The following CLIC4 variants were observed in gnomAD, a reference collection of about 807,000 sequenced individuals.
CLIC4 encodes the protein chloride intracellular channel protein 4.
Under a neutral mutation model 24.6 loss-of-function variants are expected in CLIC4, and 13 were observed. That is an observed-to-expected ratio of 0.53 (90% CI 0.34 to 0.84). The LOEUF (loss-of-function observed/expected upper bound fraction) is 0.84, where lower values mean the gene tolerates loss of function less well. Among genes scored for constraint, CLIC4 ranks in the 40% least tolerant of loss-of-function variants. The pLI is 0.01. For missense variants in CLIC4, 227 were observed against 301.7 expected, an observed-to-expected ratio of 0.75 and a Z score of 1.83; for synonymous variants, 104 against 111.3, an observed-to-expected ratio of 0.93 and a Z score of 0.41.
intron 1 of CLIC4, among the ~76,000 whole-genome samples, chr1:24,748,509 T>TTG (rs1389432712): frequency 7.0e-5 from 10 of 143,380 alleles, no homozygotes; most frequent in Admixed American, 4.2e-4. Flanking sequence ...GTTTTTTTTT[T>TTG]TTTTTTTTTT....
At chr1:24,840,722 T>A (rs759047796) in intron 5 of CLIC4, 51 bp from the exon 6 acceptor site, 1 of 1,459,834 alleles carries the variant, frequency 6.9e-7, no homozygotes, top group Admixed American at 2.0e-5. Flanking sequence ...TATGTCTAGT[T>A]TACAAGACGT....
intron 1 of CLIC4, among the ~76,000 whole-genome samples, chr1:24,768,428 A>G (rs1639030680): frequency 6.6e-6 from 1 of 152,142 alleles, no homozygotes; most frequent in East Asian, 1.9e-4. Context: ...CATTTCTCTT[A>G]AAGAGAAGAG....
At position 24,766,481 on chromosome 1, in the gene CLIC4, T is replaced by G. The variant is rs1197404956; in HGVS notation, c.72+20856T>G. ...GCTATGTTGCCCAGACGGTTTTTTT[T>G]TTTTTTTTTTTTTTTTTTTTTTTTT... On this transcript the variant is annotated intron_variant, in intron 1 of 5. Transcript: ENST00000374379. 2.3e-3 allele frequency among the ~76,000 whole-genome samples: 14 copies of G among 6,134 alleles called. No homozygotes were observed. The East Asian group carries it at 0.072, about 32-fold the overall frequency. 4.0% of individuals were successfully genotyped at this position (6,134 alleles called of 152,430 possible). A position where few individuals can be genotyped will look rare whatever the true frequency, so the allele number is the denominator to read the frequency against.
In CLIC4 at chr1:24,813,423, T is replaced by C. The variant is rs367588960; in HGVS notation, c.183-671T>C. Among the ~76,000 whole-genome samples, 17 of 152,118 alleles carry C rather than the reference T, an allele frequency of 1.1e-4. No individual in the cohort carries two copies. In the South Asian group the frequency reaches 2.7e-3, roughly 24 times the overall value. On this transcript the variant is annotated intron_variant, in intron 2 of 5. Coordinates refer to ENST00000374379, the MANE Select transcript of CLIC4 (RefSeq NM_013943.3). The stretch of plus-strand genomic sequence containing the variant: ...TCTCTTTTCTTTTTCTTTTTCTCTT[T>C]TTCTTTTTCTTTTCTGACAGGGTTT...
At chr1:24,817,450 A>G (rs983025148) in intron 3 of CLIC4, among the ~76,000 whole-genome samples, 2 of 152,194 alleles carry the variant, frequency 1.3e-5, no homozygotes, top group African/African-American at 4.8e-5. Context: ...TTTCTTCTGT[A>G]GATTTGTCAC....
intron 4 of CLIC4, among the ~76,000 whole-genome samples, chr1:24,838,621 TC>T (rs1254771281): frequency 6.6e-6 from 1 of 152,184 alleles, no homozygotes; most frequent in Non-Finnish European, 1.5e-5. Flanking sequence ...TATTTAACTT[TC>T]TTTTATGGCC....
chr1:24,796,704 T>C (rs1279740479), intron 1 of CLIC4, among the ~76,000 whole-genome samples: 1 of 152,210 alleles, frequency 6.6e-6, no homozygotes, highest in Non-Finnish European at 1.5e-5. Context: ...TGTAAAATGC[T>C]AGAATCGCCT....
intron 4 of CLIC4, among the ~76,000 whole-genome samples, chr1:24,831,765 C>T (rs747944844): frequency 4.6e-5 from 7 of 152,158 alleles, no homozygotes; most frequent in Middle Eastern, 6.8e-3. Flanking sequence ...CAGCCTCCTG[C>T]GTAGCTGGGA....
rs1424511831 is a variant in CLIC4 at position 24,840,948 on chromosome 1, G to A, written c.*11G>A. 6.3e-7 allele frequency: 1 copy of A among 1,587,772 alleles called. No individual in the cohort carries two copies. The highest frequency in any genetic ancestry group is 8.6e-7 in the Non-Finnish European group (1 of 1,168,252). The stretch of plus-strand genomic sequence containing the variant: ...AGACTCACCAAGTAAAATCGCGTTT[G>A]TAAAAGAGATGTCTTCATGTCTTCC... On this transcript the variant is annotated 3_prime_UTR_variant, in exon 6 of 6. Transcript: ENST00000374379.
intron 1 of CLIC4, among the ~76,000 whole-genome samples, chr1:24,773,833 A>C (rs767504889): frequency 2.0e-5 from 3 of 151,634 alleles, no homozygotes; most frequent in Admixed American, 6.6e-5. Context: ...TCCCAGCTTC[A>C]AGTGATCCTC....
chr1:24,792,962 A>G (rs539748466), intron 1 of CLIC4, among the ~76,000 whole-genome samples: 39 of 152,274 alleles, frequency 2.6e-4, no homozygotes, highest in Non-Finnish European at 5.1e-4. Flanking sequence ...GTCCCCATTC[A>G]TCTTTAGCCT....
chr1:24,831,603 T>TA (rs1553194723), intron 4 of CLIC4, among the ~76,000 whole-genome samples: 4 of 152,186 alleles, frequency 2.6e-5, no homozygotes, highest in African/African-American at 7.2e-5. Context: ...TGTACTCTAA[T>TA]ATGTTCTTGT....
At chr1:24,758,465 T>G (rs1455870089) in intron 1 of CLIC4, among the ~76,000 whole-genome samples, 1 of 151,804 alleles carries the variant, frequency 6.6e-6, no homozygotes, top group African/African-American at 2.4e-5. Flanking sequence ...CCAGATAATT[T>G]TTTTTTTTTT....
intron 2 of CLIC4, among the ~76,000 whole-genome samples, chr1:24,804,713 CT>C (rs1311366959): frequency 6.6e-6 from 1 of 151,886 alleles, no homozygotes; most frequent in Non-Finnish European, 1.5e-5. Context: ...CTGCTAAGAG[CT>C]GAATTAATAG....
intron 3 of CLIC4, among the ~76,000 whole-genome samples, chr1:24,817,125 A>G (rs939643582): frequency 6.6e-6 from 1 of 152,220 alleles, no homozygotes; most frequent in East Asian, 1.9e-4. Flanking sequence ...TTTTGTCTGC[A>G]TTAAAAATCT....
intron 2 of CLIC4, among the ~76,000 whole-genome samples, chr1:24,811,991 G>A (rs1224205361): frequency 6.6e-6 from 1 of 152,142 alleles, no homozygotes; most frequent in Non-Finnish European, 1.5e-5. Flanking sequence ...ATCTTTATCA[G>A]TGTTTTGTGG....
intron 2 of CLIC4, among the ~76,000 whole-genome samples, chr1:24,807,426 G>A (rs548419210): frequency 1.4e-4 from 22 of 152,274 alleles, no homozygotes; most frequent in African/African-American, 4.6e-4. Context: ...GAGCAATGGT[G>A]AGCACACACT....
At chr1:24,755,088 T>A (rs1180898568) in intron 1 of CLIC4, among the ~76,000 whole-genome samples, 1 of 134,316 alleles carries the variant, frequency 7.4e-6, no homozygotes, top group Non-Finnish European at 1.7e-5. Flanking sequence ...AAAAAAAAAA[T>A]TATAGGCTGG....
intron 4 of CLIC4, among the ~76,000 whole-genome samples, chr1:24,830,127 TCATA>T (rs949394193): frequency 1.3e-5 from 2 of 152,170 alleles, no homozygotes; most frequent in Non-Finnish European, 1.5e-5. Flanking sequence ...CTCATTCAAA[TCATA>T]CAAATAACAG....
Sources: gnomAD v4.1 joint callset for allele counts (sites outside exome capture counted in the v4.1 genomes callset) on GRCh38, gnomAD v4.1.1 for gene constraint, MANE v1.5 for transcripts, NCBI Gene and HGNC (gene_info 2026-07-23, HGNC 2026-07-21) for gene names.